The following ANKS3 variants were observed in gnomAD, a reference collection of about 807,000 sequenced individuals.
ANKS3 encodes ankyrin repeat and sterile alpha motif domain containing 3, also known as ankyrin repeat and SAM domain-containing protein 3.
ANKS3 carries 62 observed loss-of-function variants against 80.7 expected under a neutral mutation model. That is an observed-to-expected ratio of 0.77 (90% confidence interval 0.63 to 0.95). ANKS3 has a LOEUF of 0.95. ANKS3 is among the 40% of genes least tolerant of loss of function. ANKS3 has a pLI of 0.00. For synonymous variants in ANKS3, 489 were observed against 355.3 expected (o/e 1.38, Z -4.23); for missense variants, 1,150 against 883.6 (o/e 1.30, Z -3.82).
intron 6 of ANKS3, among the ~76,000 whole-genome samples, chr16:4,716,057 A>C (rs2080776949): frequency 6.6e-6 from 1 of 151,978 alleles, no homozygotes; most frequent in Non-Finnish European, 1.5e-5. Context: ...ACAAAACATC[A>C]TTAAGAGAAA....
At chr16:4,701,408 G>T (rs1430799419) in intron 10 of ANKS3, 26 bp downstream of exon 10, 2 of 1,574,140 alleles carry the variant, frequency 1.3e-6, no homozygotes, top group East Asian at 2.3e-5. Context: ...CCGGCTATGG[G>T]AGACCAAGAA....
intron 1 of ANKS3, among the ~76,000 whole-genome samples, chr16:4,731,907 A>T (rs1187485077): frequency 6.6e-6 from 1 of 152,206 alleles, no homozygotes; most frequent in Non-Finnish European, 1.5e-5. Flanking sequence ...CTTAGGTACA[A>T]GAGTGCCAGG....
intron 1 of ANKS3, among the ~76,000 whole-genome samples, chr16:4,731,889 G>A (rs2081636616): frequency 1.3e-5 from 2 of 152,146 alleles, no homozygotes; most frequent in Admixed American, 1.3e-4. Flanking sequence ...CAGCTTCCTA[G>A]TAGAATCCTT....
chr16:4,717,501 G>C (rs557916625), intron 6 of ANKS3: 1 of 152,122 alleles, frequency 6.6e-6, no homozygotes, highest in East Asian at 1.9e-4. Flanking sequence ...ACGGGAGGCA[G>C]AGATTGCAGT....
chr16:4,706,486 T>C lies in ANKS3; in HGVS notation c.710-1233A>G, dbSNP rs550349182. Among the ~76,000 whole-genome samples the C allele has an allele frequency of 4.0e-4, 61 of 152,252 alleles. 1 individual carries two copies. The East Asian group carries it at 7.7e-3, about 19-fold the overall frequency. The stretch of plus-strand genomic sequence containing the variant: ...TCCTGACCTTGTGATCCGCCCACCT[T>C]GGCCTCCCACAAAGTGCTGGCATCA... On this transcript the variant is annotated intron_variant, in intron 7 of 17. Coordinates refer to ENST00000304283, the MANE Select transcript of ANKS3 (RefSeq NM_133450.4).
intron 6 of ANKS3, among the ~76,000 whole-genome samples, chr16:4,721,117 A>G (rs1375751306): frequency 6.8e-6 from 1 of 147,822 alleles, no homozygotes; most frequent in African/African-American, 2.5e-5. Flanking sequence ...CATCCTGGCT[A>G]ACGCGGTGAA....
chr16:4,710,379 A>G (rs975362852), intron 7 of ANKS3, among the ~76,000 whole-genome samples: 2 of 152,200 alleles, frequency 1.3e-5, no homozygotes, highest in African/African-American at 4.8e-5. Context: ...TACCCCATAA[A>G]TATGTAGTTA....
chr16:4,711,789 T>C (rs2080503603), intron 7 of ANKS3, among the ~76,000 whole-genome samples: 1 of 148,902 alleles, frequency 6.7e-6, no homozygotes, highest in African/African-American at 2.5e-5. Context: ...AAATCCTAGA[T>C]GAAGTGATCT....
Position 4,712,506 on chromosome 16 carries a change from T to C in ANKS3, c.709+1545A>G, listed in dbSNP as rs142853298. On this transcript the variant is annotated intron_variant, in intron 7 of 17. Transcript: ENST00000304283. ...CATTAAAATAGTACAACATGTGGGA[T>C]TTATGCCAAGAATGTAAGGTTGATT... Among the ~76,000 whole-genome samples the C allele has an allele frequency of 1.4e-4, 21 of 152,254 alleles. No individual in the cohort carries two copies. In the East Asian group the frequency reaches 1.7e-3, roughly 13 times the overall value.
intron 6 of ANKS3, among the ~76,000 whole-genome samples, chr16:4,716,446 G>C (rs1371128982): frequency 6.6e-6 from 1 of 151,982 alleles, no homozygotes; most frequent in Non-Finnish European, 1.5e-5. Flanking sequence ...TTAGACCAGG[G>C]GGCCTCAACC....
At chr16:4,706,678 A>G (rs1684618) in intron 7 of ANKS3, among the ~76,000 whole-genome samples, 60,888 of 152,178 alleles carry the variant, frequency 0.4, 14,721 homozygotes, top group East Asian at 0.66. Flanking sequence ...TTTGATTTGT[A>G]TAAGGCTCTG....
Position 4,698,004 on chromosome 16 carries a change from T to A in ANKS3, c.1783A>T (p.Thr595Ser). Residue 595 changes from threonine to serine, a missense_variant, in exon 15 of 18, where the codon ACT becomes TCT. Transcript: ENST00000304283. The stretch of plus-strand genomic sequence containing the variant: ...GCTGGGGGGACGGCTAGGCCCAGAG[T>A]GGCTGCACCAGGGGGCTGGTCCTGC... ...VRQDQPPGAA[T>S]LGLAVPPADS... 1 of 1,604,880 alleles carries A rather than the reference T, an allele frequency of 6.2e-7. No homozygotes were observed. The highest frequency in any genetic ancestry group is 8.5e-7 in the Non-Finnish European group (1 of 1,176,428).
intron 6 of ANKS3, among the ~76,000 whole-genome samples, chr16:4,721,001 TAAA>T (rs1403888785): frequency 8.8e-5 from 6 of 68,474 alleles, no homozygotes; most frequent in Admixed American, 1.8e-4. Context: ...CATGCCACCA[TAAA>T]AAAAAAAAAA....
In ANKS3 at chr16:4,697,415, G is replaced by A. The variant is rs761517671; in HGVS notation, c.1812C>T (p.Asp604=). 4 of 1,603,568 alleles carry A rather than the reference G, an allele frequency of 2.5e-6. No homozygotes were observed. The highest frequency in any genetic ancestry group is 3.4e-6 in the Non-Finnish European group (4 of 1,175,708). Residue 604 remains aspartate, a splice_region_variant and synonymous_variant, in exon 16 of 18, where the codon GAC becomes GAT. Transcript: ENST00000304283. ...ATLGLAVPPA[D]SKGWQASLQA... ...GCAGGGACGCTTGCCAGCCCTTGGA[G>A]TCTGTGGTGCAGGTGCAGGGACCGA... is the stretch of plus-strand genomic sequence containing the variant.
chr16:4,701,168 C>T lies in ANKS3; in HGVS notation c.1120-34G>A, dbSNP rs371478473. 87 of 1,612,320 alleles carry T rather than the reference C, an allele frequency of 5.4e-5. 1 individual carries two copies. The highest frequency in any genetic ancestry group is 6.7e-5 in the African/African-American group (5 of 74,900). ...AGAGGCGTGCATCTGAAAGAGTGCG[C>T]GGGCTAACTTGAGAGCCTTGGTGAA... On this transcript the variant is annotated intron_variant, in intron 10 of 17. Coordinates refer to ENST00000304283, the MANE Select transcript of ANKS3 (RefSeq NM_133450.4).
chr16:4,715,356 G>A (rs896120406), intron 6 of ANKS3, among the ~76,000 whole-genome samples: 1 of 152,216 alleles, frequency 6.6e-6, no homozygotes, highest in East Asian at 1.9e-4. Context: ...TCTCCTGTCA[G>A]ACCAGGCAGC....
intron 16 of ANKS3, 24 bp downstream of exon 16, chr16:4,697,309 G>A (rs1334151523): frequency 6.3e-7 from 1 of 1,585,162 alleles, no homozygotes; most frequent in Admixed American, 1.8e-5. Context: ...GGAGCGCTCA[G>A]TCGTCTGGTC....
chr16:4,729,724 A>C (rs866611566), intron 3 of ANKS3: 101 of 304,792 alleles, frequency 3.3e-4, no homozygotes, highest in Middle Eastern at 2.6e-3. Flanking sequence ...TTAGTGAATA[A>C]AATTAGTCTG....
chr16:4,720,954 A>G lies in ANKS3; in HGVS notation c.573+3796T>C, dbSNP rs563885246. ...TCCATCTCAAAACAAACAAACAAAC[A>G]AACAAAAAAACTCTGATTCATCCCT... On this transcript the variant is annotated intron_variant, in intron 6 of 17. Transcript: ENST00000304283. Among the ~76,000 whole-genome samples the G allele has an allele frequency of 1.0e-4, 15 of 148,838 alleles. 1 individual carries two copies. The highest frequency in any genetic ancestry group is 2.0e-4 in the East Asian group (1 of 5,050).
Sources: gnomAD v4.1 joint callset for allele counts (sites outside exome capture counted in the v4.1 genomes callset) on GRCh38, gnomAD v4.1.1 for gene constraint, MANE v1.5 for transcripts, NCBI Gene and HGNC (gene_info 2026-07-23, HGNC 2026-07-21) for gene names.